The following SOHLH2 variants were observed in gnomAD, a reference collection of about 807,000 sequenced individuals.
SOHLH2 encodes the protein spermatogenesis- and oogenesis-specific basic helix-loop-helix-containing protein 2.
SOHLH2 carries 22 observed loss-of-function variants against 50.4 expected under a neutral mutation model. The observed-to-expected ratio is 0.44, with a 90% CI of 0.31 to 0.62. The LOEUF is 0.62. SOHLH2 is among the 20% of genes least tolerant of loss of function. The pLI, the probability that SOHLH2 is intolerant of heterozygous loss-of-function variation, is 0.08. For missense variants in SOHLH2, 412 were observed against 504.4 expected, an observed-to-expected ratio of 0.82 and a Z score of 1.76; for synonymous variants, 185 against 187.3, an observed-to-expected ratio of 0.99 and a Z score of 0.10.
At chr13:36,209,460 C>T (rs1019233689) in intron 1 of SOHLH2, among the ~76,000 whole-genome samples, 2 of 152,092 alleles carry the variant, frequency 1.3e-5, no homozygotes, top group African/African-American at 4.8e-5. Flanking sequence ...GATCACAGCA[C>T]TGGCAGATTA....
chr13:36,179,613 A>C (rs1431297042), intron 6 of SOHLH2, among the ~76,000 whole-genome samples: 1 of 151,530 alleles, frequency 6.6e-6, no homozygotes, highest in Non-Finnish European at 1.5e-5. Context: ...AGGTTTTGCC[A>C]TGTTGGCCTG....
At chr13:36,179,032 C>A (rs575920411) in intron 6 of SOHLH2, among the ~76,000 whole-genome samples, 1 of 152,218 alleles carries the variant, frequency 6.6e-6, no homozygotes, top group East Asian at 1.9e-4. Context: ...TGACTTTATA[C>A]CCAATCATGC....
chr13:36,185,792 C>T (rs1435711588), intron 6 of SOHLH2, among the ~76,000 whole-genome samples: 2 of 151,838 alleles, frequency 1.3e-5, no homozygotes, highest in African/African-American at 2.4e-5. Flanking sequence ...ATAAATTAAC[C>T]AAACTGACAC....
intron 6 of SOHLH2, among the ~76,000 whole-genome samples, chr13:36,179,372 G>A (rs532536332): frequency 1.4e-4 from 21 of 152,138 alleles, no homozygotes; most frequent in African/African-American, 5.1e-4. Context: ...TAATCACATG[G>A]TTTTTCTCCT....
chr13:36,192,030 G>C (rs1174174762), intron 4 of SOHLH2, 136 bp from the exon 5 acceptor site: 4 of 979,310 alleles, frequency 4.1e-6, no homozygotes, highest in Non-Finnish European at 5.9e-6. Flanking sequence ...TTTTAAAACT[G>C]AAAGCAATTT....
At chr13:36,185,485 A>C (rs951183431) in intron 6 of SOHLH2, among the ~76,000 whole-genome samples, 1 of 152,224 alleles carries the variant, frequency 6.6e-6, no homozygotes, top group East Asian at 1.9e-4. Flanking sequence ...CAAACACACA[A>C]ACAAACAAAA....
At chr13:36,208,325 TTTACTTATTTAGTCAA>T (rs1868906199) in intron 1 of SOHLH2, among the ~76,000 whole-genome samples, 1 of 152,224 alleles carries the variant, frequency 6.6e-6, no homozygotes, top group African/African-American at 2.4e-5. Flanking sequence ...TTTTCCCTCA[TTTACTTATTTAGTCAA>T]TTGTTTATTT....
At chr13:36,214,333 A>C in intron 1 of SOHLH2, 146 bp downstream of exon 1, 1 of 1,001,262 alleles carries the variant, frequency 1.0e-6, no homozygotes, top group Non-Finnish European at 1.4e-6. Context: ...CGCGTCCTGG[A>C]AGGGGCCCTT....
intron 1 of SOHLH2, among the ~76,000 whole-genome samples, chr13:36,205,737 T>C (rs774317455): frequency 6.6e-6 from 1 of 152,066 alleles, no homozygotes; most frequent in Non-Finnish European, 1.5e-5. Context: ...CCTTGAAGAA[T>C]AAAATATTGT....
intron 4 of SOHLH2, 142 bp downstream of exon 4, chr13:36,193,479 A>G (rs1887633312): frequency 2.0e-6 from 2 of 1,018,944 alleles, no homozygotes; most frequent in Non-Finnish European, 1.4e-6. Flanking sequence ...TAAACCTCTG[A>G]AGATGTAGTT....
chr13:36,196,116 ATAGATAGATAAT>A (rs1482366186), intron 2 of SOHLH2, among the ~76,000 whole-genome samples: 6 of 150,226 alleles, frequency 4.0e-5, no homozygotes, highest in African/African-American at 4.9e-5. Context: ...AGATAGATAG[ATAGATAGATAAT>A]TTTTTTTTTT....
chr13:36,184,580 C>T (rs1054941748), intron 6 of SOHLH2, among the ~76,000 whole-genome samples: 7 of 151,526 alleles, frequency 4.6e-5, no homozygotes, highest in African/African-American at 1.7e-4. Flanking sequence ...CTTCCTCAGC[C>T]TCCCGAGTAG....
intron 6 of SOHLH2, chr13:36,181,943 G>A (rs1776641828): frequency 1.4e-5 from 10 of 728,246 alleles, no homozygotes; most frequent in Non-Finnish European, 1.5e-5. Flanking sequence ...AATATCTGAT[G>A]GAAATATGAT....
intron 10 of SOHLH2, among the ~76,000 whole-genome samples, chr13:36,170,167 G>T (rs1886923025): frequency 1.3e-5 from 2 of 152,182 alleles, no homozygotes; most frequent in Non-Finnish European, 2.9e-5. Flanking sequence ...GTAGCAGTTA[G>T]TTACGGGGCC....
chr13:36,206,277 T>G (rs1025237986), intron 1 of SOHLH2, among the ~76,000 whole-genome samples: 2 of 152,058 alleles, frequency 1.3e-5, no homozygotes, highest in African/African-American at 4.8e-5. Context: ...TGTGGAAAGT[T>G]CTATTGGGCA....
At position 36,170,518 on chromosome 13, in the gene SOHLH2, C is replaced by T. The variant is rs1175163221; in HGVS notation, c.1257+13G>A. On this transcript the variant is annotated intron_variant, in intron 10 of 10. Coordinates refer to ENST00000379881, the MANE Select transcript of SOHLH2 (RefSeq NM_017826.3). Reference sequence around the variant, plus strand: ...AAGGGTCCAATCTGATCCATGGACCCCTGGAAACTTACCAGACAGTTGGGA... The same window carrying T: ...AAGGGTCCAATCTGATCCATGGACCTCTGGAAACTTACCAGACAGTTGGGA... 3 of 1,611,786 alleles carry T rather than the reference C, an allele frequency of 1.9e-6. No homozygotes were observed. Among genetic ancestry groups the T allele is most frequent in the Non-Finnish European group, 1.7e-6 (2 of 1,178,724 alleles).
chr13:36,202,894 C>G (rs6563386), intron 1 of SOHLH2, among the ~76,000 whole-genome samples: 101,505 of 152,092 alleles, frequency 0.67, 34,135 homozygotes, highest in East Asian at 0.87. Flanking sequence ...AGAAAGGCAG[C>G]TTGGCAAAGA....
intron 1 of SOHLH2, among the ~76,000 whole-genome samples, chr13:36,210,437 T>G (rs1231510421): frequency 6.6e-6 from 1 of 151,214 alleles, no homozygotes; most frequent in Non-Finnish European, 1.5e-5. Context: ...CATTTTACTG[T>G]GTATTTTTTT....
At chr13:36,174,395 C>A in intron 8 of SOHLH2, 81 bp downstream of exon 8, 1 of 1,568,780 alleles carries the variant, frequency 6.4e-7, no homozygotes. Context: ...CTGTGGATAG[C>A]AGTTTTTGTG....
Sources: gnomAD v4.1 joint callset for allele counts (sites outside exome capture counted in the v4.1 genomes callset) on GRCh38, gnomAD v4.1.1 for gene constraint, MANE v1.5 for transcripts, NCBI Gene and HGNC (gene_info 2026-07-23, HGNC 2026-07-21) for gene names.